The following SORCS2 variants were observed in gnomAD, a reference collection of about 807,000 sequenced individuals.
SORCS2 encodes VPS10 domain-containing receptor SorCS2.
In SORCS2, 100 loss-of-function variants were observed where a neutral mutation model predicts 141.6. The observed-to-expected ratio is 0.71, with a 90% CI of 0.60 to 0.83. SORCS2 has a LOEUF of 0.83. SORCS2 is among the 40% of genes least tolerant of loss of function. SORCS2 has a pLI of 0.00. For missense variants in SORCS2, 1,646 were observed against 1,560.2 expected, an observed-to-expected ratio of 1.05 and a Z score of -0.93; for synonymous variants, 789 against 676.9, an observed-to-expected ratio of 1.17 and a Z score of -2.57.
Position 7,712,839 on chromosome 4 carries a change from C to G in SORCS2, c.1975C>G (p.Leu659Val). ...CGEEDYSSWE[L>V]SNLQGDRCIM... ...CGAGGAGGACTACAGCTCCTGGGAG[C>G]TCTCCAACCTGCAGGTGGGCCGGCA... The change falls in exon 15 of 27, where the codon CTC becomes GTC. Residue 659 changes from leucine to valine, a missense_variant. By Grantham distance (32) the Leu-to-Val change is conservative (BLOSUM62 1). Coordinates refer to ENST00000507866, the MANE Select transcript of SORCS2 (RefSeq NM_020777.3). 6.2e-7 allele frequency: 1 copy of G among 1,613,910 alleles called. No individual in the cohort carries two copies. The highest frequency in any genetic ancestry group is 1.3e-5 in the African/African-American group (1 of 75,044).
intron 1 of SORCS2, among the ~76,000 whole-genome samples, chr4:7,387,837 C>CAGGTATGCAG (rs1192449297): frequency 4.1e-4 from 29 of 70,258 alleles, no homozygotes; most frequent in African/African-American, 9.0e-4. Flanking sequence ...CATGCACATA[C>CAGGTATGCAG]ATACACATGC....
At chr4:7,443,019 G>T (rs1220903655) in intron 2 of SORCS2, among the ~76,000 whole-genome samples, 6 of 152,204 alleles carry the variant, frequency 3.9e-5, no homozygotes, top group African/African-American at 1.4e-4. Context: ...CTCTGCCTCT[G>T]TTGTGGCTTT....
At chr4:7,293,199 G>A (rs1044326527) in intron 1 of SORCS2, among the ~76,000 whole-genome samples, 10 of 152,216 alleles carry the variant, frequency 6.6e-5, no homozygotes, top group African/African-American at 2.4e-4. Context: ...AGCTACTCGG[G>A]AGGCTAAGGC....
At chr4:7,306,207 C>A (rs897837485) in intron 1 of SORCS2, among the ~76,000 whole-genome samples, 1 of 152,166 alleles carries the variant, frequency 6.6e-6, no homozygotes, top group African/African-American at 2.4e-5. Context: ...GGGGCACAGA[C>A]ACCTAAGCCC....
chr4:7,296,881 C>T (rs945260408), intron 1 of SORCS2, among the ~76,000 whole-genome samples: 1 of 152,204 alleles, frequency 6.6e-6, no homozygotes, highest in South Asian at 2.1e-4. Flanking sequence ...GCATGGGTGC[C>T]TCGACTCCCC....
chr4:7,420,226 G>A (rs1725951844), intron 2 of SORCS2, among the ~76,000 whole-genome samples: 1 of 152,234 alleles, frequency 6.6e-6, no homozygotes, highest in Non-Finnish European at 1.5e-5. Flanking sequence ...GAAAATGGCT[G>A]CAGCAACGCC....
intron 1 of SORCS2, among the ~76,000 whole-genome samples, chr4:7,344,799 T>G (rs961309055): frequency 7.9e-5 from 12 of 152,216 alleles, no homozygotes; most frequent in African/African-American, 1.9e-4. Context: ...ACCTCACCCC[T>G]GATTCCCCCG....
chr4:7,602,460 C>G (rs1258562189), intron 3 of SORCS2, among the ~76,000 whole-genome samples: 1 of 150,966 alleles, frequency 6.6e-6, no homozygotes, highest in Non-Finnish European at 1.5e-5. Context: ...GGCAGAGGCG[C>G]TCCTCACATC....
chr4:7,733,786 C>T (rs2285773), intron 24 of SORCS2, among the ~76,000 whole-genome samples: 18,981 of 152,282 alleles, frequency 0.12, 1,260 homozygotes, highest in East Asian at 0.18. Context: ...CCTTGAAACT[C>T]GGCAGGTTCG....
chr4:7,362,739 A>G (rs944986065), intron 1 of SORCS2, among the ~76,000 whole-genome samples: 1 of 151,896 alleles, frequency 6.6e-6, no homozygotes, highest in African/African-American at 2.4e-5. Context: ...TATCACCATC[A>G]TCACCACTAA....
At position 7,679,513 on chromosome 4, in the gene SORCS2, A is replaced by G. The variant is rs904307628; in HGVS notation, c.1342-3230A>G. ...CCAAGGGACTCTAAATGCAATCACAAGTGTCCTTATCAGAGACAGGAGAGG... is the reference window on the plus strand; with the variant it reads ...CCAAGGGACTCTAAATGCAATCACAGGTGTCCTTATCAGAGACAGGAGAGG... On this transcript the variant is annotated intron_variant, in intron 9 of 26. Transcript: ENST00000507866. Among the ~76,000 whole-genome samples the G allele has an allele frequency of 2.0e-5, 3 of 152,232 alleles. No individual in the cohort carries two copies. The South Asian group carries it at 6.2e-4, about 32-fold the overall frequency.
intron 8 of SORCS2, among the ~76,000 whole-genome samples, chr4:7,670,365 C>T (rs1479285097): frequency 6.6e-6 from 1 of 151,874 alleles, no homozygotes; most frequent in South Asian, 2.1e-4. Context: ...TAGGCCAAAG[C>T]TATAAATAGA....
intron 3 of SORCS2, among the ~76,000 whole-genome samples, chr4:7,604,538 C>T (rs1717940108): frequency 6.6e-6 from 1 of 152,162 alleles, no homozygotes; most frequent in Non-Finnish European, 1.5e-5. Context: ...AGGATGGTCT[C>T]CATCCCCGCC....
At chr4:7,311,287 A>T (rs150277211) in intron 1 of SORCS2, among the ~76,000 whole-genome samples, 82 of 152,188 alleles carry the variant, frequency 5.4e-4, no homozygotes, top group African/African-American at 1.9e-3. Flanking sequence ...CATCCTTTCT[A>T]CAGACCACAA....
At chr4:7,296,065 G>A (rs1305327045) in intron 1 of SORCS2, among the ~76,000 whole-genome samples, 1 of 152,198 alleles carries the variant, frequency 6.6e-6, no homozygotes. Context: ...GGAGAAATGC[G>A]ATGCAGAGTG....
intron 1 of SORCS2, among the ~76,000 whole-genome samples, chr4:7,364,665 G>A (rs1038321773): frequency 6.6e-6 from 1 of 152,162 alleles, no homozygotes; most frequent in Non-Finnish European, 1.5e-5. Flanking sequence ...GCAAGTCAGG[G>A]AGCAAGCTAA....
intron 1 of SORCS2, among the ~76,000 whole-genome samples, chr4:7,338,900 G>T (rs1720200234): frequency 6.6e-6 from 1 of 152,144 alleles, no homozygotes; most frequent in Non-Finnish European, 1.5e-5. Flanking sequence ...AAGGCACGTG[G>T]TCGTGCTGGG....
At chr4:7,587,627 C>T (rs1370283753) in intron 3 of SORCS2, among the ~76,000 whole-genome samples, 1 of 152,224 alleles carries the variant, frequency 6.6e-6, no homozygotes, top group African/African-American at 2.4e-5. Flanking sequence ...AGTCGCCTCT[C>T]TAGTCCCCAA....
chr4:7,354,128 G>A (rs1275284363), intron 1 of SORCS2, among the ~76,000 whole-genome samples: 3 of 152,230 alleles, frequency 2.0e-5, no homozygotes, highest in East Asian at 1.9e-4. Flanking sequence ...TTCTCTGCAC[G>A]GACCCCACCC....
Sources: allele counts gnomAD v4.1 joint callset (sites outside exome capture counted in the v4.1 genomes callset), GRCh38; gene constraint gnomAD v4.1.1; transcripts MANE v1.5; gene names NCBI Gene and HGNC (gene_info 2026-07-23, HGNC 2026-07-21).